KCNIP4: variants seen among roughly 807,000 people sequenced by gnomAD.
KCNIP4 encodes the protein Kv channel-interacting protein 4.
Under a neutral mutation model 34.0 loss-of-function variants are expected in KCNIP4, and 12 were observed. The ratio of observed to expected loss-of-function variants is 0.35; its 90% CI spans 0.23 to 0.57. KCNIP4 has a LOEUF of 0.57. Among genes scored for constraint, KCNIP4 ranks in the 20% least tolerant of loss-of-function variants. The pLI is 0.83. For missense variants in KCNIP4, 238 were observed against 311.7 expected (o/e 0.76, Z 1.78); for synonymous variants, 124 against 102.2 (o/e 1.21, Z -1.29).
At chr4:21,229,849 C>T (rs534215335) in intron 1 of KCNIP4, among the ~76,000 whole-genome samples, 14 of 152,218 alleles carry the variant, frequency 9.2e-5, no homozygotes, top group African/African-American at 2.4e-4. Flanking sequence ...GAGTCTTCTT[C>T]GCATACTTAC....
chr4:21,725,178 C>A (rs1021704942), intron 1 of KCNIP4, among the ~76,000 whole-genome samples: 1 of 152,146 alleles, frequency 6.6e-6, no homozygotes, highest in Admixed American at 6.6e-5. Context: ...ACCAATCATT[C>A]TTCATCAAAA....
At chr4:20,900,677 A>T (rs770541241) in intron 1 of KCNIP4, among the ~76,000 whole-genome samples, 1 of 152,170 alleles carries the variant, frequency 6.6e-6, no homozygotes, top group Non-Finnish European at 1.5e-5. Flanking sequence ...GCCAGCTCAT[A>T]CTTGGTGGCC....
intron 1 of KCNIP4, chr4:21,852,485 C>T (rs1724473552): frequency 6.6e-6 from 1 of 152,154 alleles, no homozygotes; most frequent in Non-Finnish European, 1.5e-5. Flanking sequence ...CTAAATTGAA[C>T]TTCGGCAGAG....
At chr4:21,639,693 A>G (rs1308827175) in intron 1 of KCNIP4, among the ~76,000 whole-genome samples, 1 of 152,176 alleles carries the variant, frequency 6.6e-6, no homozygotes, top group Non-Finnish European at 1.5e-5. Flanking sequence ...TCCATTATAG[A>G]TAGATAGAAA....
At chr4:21,269,501 G>A (rs1471943778) in intron 1 of KCNIP4, among the ~76,000 whole-genome samples, 1 of 152,032 alleles carries the variant, frequency 6.6e-6, no homozygotes, top group African/African-American at 2.4e-5. Context: ...AACCTCCTGG[G>A]CTCCAGCAAT....
At chr4:21,861,384 C>G (rs558421448) in intron 1 of KCNIP4, among the ~76,000 whole-genome samples, 1 of 152,236 alleles carries the variant, frequency 6.6e-6, no homozygotes, top group South Asian at 2.1e-4. Flanking sequence ...TTCTTCAGCT[C>G]AAGCTTTAAA....
At chr4:21,056,576 A>G (rs1445884915) in intron 1 of KCNIP4, among the ~76,000 whole-genome samples, 3 of 152,042 alleles carry the variant, frequency 2.0e-5, no homozygotes, top group African/African-American at 7.2e-5. Flanking sequence ...ACATACACCC[A>G]TTCTATATTC....
intron 1 of KCNIP4, among the ~76,000 whole-genome samples, chr4:21,839,040 A>G (rs936560279): frequency 4.6e-5 from 7 of 152,200 alleles, no homozygotes; most frequent in Non-Finnish European, 1.0e-4. Context: ...ACATTAAAAT[A>G]ATCATTTAGA....
intron 1 of KCNIP4, among the ~76,000 whole-genome samples, chr4:21,928,721 C>T (rs148280404): frequency 2.0e-5 from 3 of 152,056 alleles, no homozygotes; most frequent in Non-Finnish European, 4.4e-5. Flanking sequence ...ATCCATGACA[C>T]ACTTCTCAAA....
At chr4:20,906,502 C>T (rs1727788807) in intron 1 of KCNIP4, among the ~76,000 whole-genome samples, 1 of 152,174 alleles carries the variant, frequency 6.6e-6, no homozygotes, top group Admixed American at 6.5e-5. Context: ...TTGCCAGGAA[C>T]TCCACTAGAC....
intron 1 of KCNIP4, among the ~76,000 whole-genome samples, chr4:21,100,392 A>G (rs1747831000): frequency 6.6e-6 from 1 of 152,104 alleles, no homozygotes; most frequent in South Asian, 2.1e-4. Flanking sequence ...CTCTATCAAA[A>G]AATACAAAAA....
intron 1 of KCNIP4, among the ~76,000 whole-genome samples, chr4:21,630,790 G>A (rs1745711126): frequency 6.6e-6 from 1 of 152,158 alleles, no homozygotes; most frequent in South Asian, 2.1e-4. Flanking sequence ...GCCTCTAGAC[G>A]CCCGCAAGAA....
intron 1 of KCNIP4, among the ~76,000 whole-genome samples, chr4:20,937,809 C>T (rs1375646415): frequency 1.3e-5 from 2 of 152,110 alleles, no homozygotes; most frequent in African/African-American, 2.4e-5. Flanking sequence ...ATAAGTCTGT[C>T]CAGGGCATTT....
rs375344984 is a variant in KCNIP4 at position 20,866,865 on chromosome 4, C to T, written c.163+15743G>A. ...CAGTAGCATTTCTACACACCAACAA[C>T]GTCCAGGCTGAAAGTGAAATCGAGA... is the stretch of plus-strand genomic sequence containing the variant. On this transcript the variant is annotated intron_variant, in intron 2 of 8. Coordinates refer to ENST00000382152, the MANE Select transcript of KCNIP4 (RefSeq NM_025221.6). Among the ~76,000 whole-genome samples the T allele has an allele frequency of 2.2e-4, 34 of 152,134 alleles. No individual in the cohort carries two copies. The East Asian group carries it at 3.3e-3, about 15-fold the overall frequency.
At chr4:20,782,090 A>C (rs111804460) in intron 3 of KCNIP4, among the ~76,000 whole-genome samples, 2 of 152,176 alleles carry the variant, frequency 1.3e-5, no homozygotes, top group Admixed American at 6.5e-5. Flanking sequence ...CTCCAAAATG[A>C]TGTCCTTTTA....
intron 1 of KCNIP4, among the ~76,000 whole-genome samples, chr4:21,034,527 C>T (rs1387694244): frequency 2.0e-5 from 3 of 152,114 alleles, no homozygotes; most frequent in Non-Finnish European, 2.9e-5. Flanking sequence ...CTTGTCTTTT[C>T]CCCTGGTCTT....
intron 3 of KCNIP4, among the ~76,000 whole-genome samples, chr4:20,802,127 A>G (rs1480796269): frequency 1.4e-5 from 2 of 141,480 alleles, no homozygotes; most frequent in Admixed American, 1.4e-4. Flanking sequence ...TATATGCTAT[A>G]TATATGCTAT....
At chr4:21,895,978 T>C (rs1298083924) in intron 1 of KCNIP4, among the ~76,000 whole-genome samples, 1 of 152,172 alleles carries the variant, frequency 6.6e-6, no homozygotes, top group Non-Finnish European at 1.5e-5. Flanking sequence ...AATAAATGAA[T>C]GTTGGTGGAA....
chr4:21,002,223 A>C (rs1163347456), intron 1 of KCNIP4, among the ~76,000 whole-genome samples: 3 of 152,198 alleles, frequency 2.0e-5, no homozygotes, highest in Non-Finnish European at 4.4e-5. Context: ...CACTGCACAA[A>C]GTAAATGATG....
Sources: gnomAD v4.1 joint callset for allele counts (sites outside exome capture counted in the v4.1 genomes callset) on GRCh38, gnomAD v4.1.1 for gene constraint, MANE v1.5 for transcripts, NCBI Gene and HGNC (gene_info 2026-07-23, HGNC 2026-07-21) for gene names.